The following CFAP77 variants were observed in gnomAD, a reference collection of about 807,000 sequenced individuals.
The protein encoded by CFAP77 is cilia- and flagella-associated protein 77.
Under a neutral mutation model 31.1 loss-of-function variants are expected in CFAP77, and 25 were observed. The observed-to-expected ratio is 0.80, with a 90% confidence interval of 0.59 to 1.12. CFAP77 has a LOEUF of 1.12. CFAP77 is among the 50% of genes most tolerant of loss of function. The pLI, the probability that CFAP77 is intolerant of heterozygous loss-of-function variation, is 0.00. For missense variants in CFAP77, 377 were observed against 397.3 expected, an observed-to-expected ratio of 0.95 and a Z score of 0.44; for synonymous variants, 151 against 159.9, an observed-to-expected ratio of 0.94 and a Z score of 0.42.
intron 1 of CFAP77, among the ~76,000 whole-genome samples, chr9:132,484,387 T>G (rs1342566836): frequency 6.6e-6 from 1 of 152,214 alleles, no homozygotes; most frequent in African/African-American, 2.4e-5. Flanking sequence ...AAGGAAGCTC[T>G]GTACCCATGA....
At chr9:132,505,304 C>A (rs1380632839) in intron 3 of CFAP77, among the ~76,000 whole-genome samples, 6 of 152,202 alleles carry the variant, frequency 3.9e-5, no homozygotes, top group Admixed American at 6.5e-5. Flanking sequence ...AGCCTCAATA[C>A]CAGATGGGAT....
intron 4 of CFAP77, among the ~76,000 whole-genome samples, chr9:132,541,247 C>T (rs566304986): frequency 1.3e-5 from 2 of 152,320 alleles, no homozygotes; most frequent in African/African-American, 4.8e-5. Context: ...CAGCCGCCCT[C>T]CTCAGAGCTC....
In CFAP77 at chr9:132,424,406, C is replaced by CA. The variant is rs548435644; in HGVS notation, c.195+13950dup. On this transcript the variant is annotated intron_variant, in intron 1 of 5. Transcript: ENST00000393216. This position sits in a 1 kb window ranked among gnomAD's most constrained non-coding sequence, Gnocchi z 4.1. ...GACAGAGCAAGACTCCATCTCAAAA[C>CA]AAAAAAAAAAGAGTTAGGAAGAGGG... Among the ~76,000 whole-genome samples, 2,045 of 145,832 alleles carry CA rather than the reference C, an allele frequency of 0.014. 21 individuals carry two copies. The highest frequency in any genetic ancestry group is 0.022 in the Non-Finnish European group (1,432 of 65,878).
chr9:132,537,275 G>A (rs1475567534), intron 3 of CFAP77, among the ~76,000 whole-genome samples: 3 of 152,112 alleles, frequency 2.0e-5, no homozygotes, highest in Non-Finnish European at 2.9e-5. Flanking sequence ...GGGAATCAAC[G>A]TAGCGGGACT....
At chr9:132,546,415 AG>A (rs1381208919) in intron 5 of CFAP77, among the ~76,000 whole-genome samples, 1 of 148,164 alleles carries the variant, frequency 6.7e-6, no homozygotes, top group Non-Finnish European at 1.5e-5. Flanking sequence ...AAGCGCTTCC[AG>A]AAAAGTTGAG....
chr9:132,454,332 C>T (rs992737591), intron 1 of CFAP77, among the ~76,000 whole-genome samples: 1 of 152,112 alleles, frequency 6.6e-6, no homozygotes, highest in Admixed American at 6.5e-5. Context: ...AGCTTGTCAT[C>T]CCAGGAAACC....
chr9:132,420,887 G>T (rs1850203773), intron 1 of CFAP77, among the ~76,000 whole-genome samples: 1 of 151,998 alleles, frequency 6.6e-6, no homozygotes, highest in African/African-American at 2.4e-5. Flanking sequence ...AAGTGGTACA[G>T]ACGTGGCCAC....
At chr9:132,542,027 A>G (rs1589916663) in intron 4 of CFAP77, among the ~76,000 whole-genome samples, 1 of 152,180 alleles carries the variant, frequency 6.6e-6, no homozygotes, top group East Asian at 1.9e-4. Flanking sequence ...TGGAATCCCA[A>G]TTTAAGAGAA....
chr9:132,571,971 A>G (rs1006991384), intron 5 of CFAP77, among the ~76,000 whole-genome samples: 8 of 151,286 alleles, frequency 5.3e-5, no homozygotes, highest in African/African-American at 1.9e-4. Context: ...GGCTGCCACC[A>G]GAGAGGAGGG....
intron 1 of CFAP77, among the ~76,000 whole-genome samples, chr9:132,492,915 T>C (rs989062781): frequency 6.6e-6 from 1 of 152,266 alleles, no homozygotes. Context: ...TTTCAGGCCT[T>C]GGAGGTATCC....
At position 132,486,038 on chromosome 9, in the gene CFAP77, A is replaced by T. The variant is rs865804044; in HGVS notation, c.196-12657A>T. Among the ~76,000 whole-genome samples the T allele has an allele frequency of 1.2e-3, 42 of 36,232 alleles. 6 individuals carry two copies. The highest frequency in any genetic ancestry group is 8.4e-3 in the African/African-American group (25 of 2,994). 23.8% of individuals were successfully genotyped at this position (36,232 alleles called of 152,430 possible). A position where few individuals can be genotyped will look rare whatever the true frequency, so the allele number is the denominator to read the frequency against. On this transcript the variant is annotated intron_variant, in intron 1 of 5. Coordinates refer to ENST00000393216, the MANE Select transcript of CFAP77 (RefSeq NM_001282957.2). Reference sequence around the variant, plus strand: ...TATATATATATATATATATATATATATATGTATGTATATGTATGTGTGTGT... The same window carrying T: ...TATATATATATATATATATATATATTTATGTATGTATATGTATGTGTGTGT...
At chr9:132,491,317 A>T (rs1851650432) in intron 1 of CFAP77, among the ~76,000 whole-genome samples, 1 of 152,072 alleles carries the variant, frequency 6.6e-6, no homozygotes, top group Non-Finnish European at 1.5e-5. Flanking sequence ...AAAATACAAA[A>T]TTAGCTGGGT....
chr9:132,486,560 T>TA (rs1056871374), intron 1 of CFAP77, among the ~76,000 whole-genome samples: 3 of 152,138 alleles, frequency 2.0e-5, no homozygotes, highest in Admixed American at 6.5e-5. Flanking sequence ...TATTGCTCTT[T>TA]AAAAAAATAT....
intron 1 of CFAP77, among the ~76,000 whole-genome samples, chr9:132,417,962 G>GAGTGAAACC (rs1667012511): frequency 1.3e-5 from 2 of 152,170 alleles, no homozygotes; most frequent in Non-Finnish European, 2.9e-5. Context: ...CCCTAGTTGC[G>GAGTGAAACC]AGTGAAACCA....
chr9:132,542,896 C>A lies in CFAP77; in HGVS notation c.631-50C>A, dbSNP rs369216787. The A allele has an allele frequency of 2.3e-5, 33 of 1,453,966 alleles. No individual in the cohort carries two copies. The East Asian group carries it at 3.6e-4, about 16-fold the overall frequency. The allele number at this position is 1,453,966 out of a possible 1,614,324, so 90.1% of individuals were successfully genotyped here. ...CTCTATATCCCTTCAGCACGGCCTT[C>A]TCCAAGTAGCCGGGCAACCATCTCA... is the stretch of plus-strand genomic sequence containing the variant. On this transcript the variant is annotated intron_variant, in intron 4 of 5. Transcript: ENST00000393216.
Position 132,498,672 on chromosome 9 carries a change from G to A in CFAP77, c.196-23G>A, listed in dbSNP as rs1277790491. 1 of 1,579,038 alleles carries A rather than the reference G, an allele frequency of 6.3e-7. No homozygotes were observed. ...GTCTGAGACTCCACTCCTCACCTCT[G>A]CTCTCTGTCCTTCCCCCGACAGGCT... On this transcript the variant is annotated intron_variant, in intron 1 of 5. Transcript: ENST00000393216. This position sits in a 1 kb window ranked among gnomAD's most constrained non-coding sequence, Gnocchi z 4.2.
intron 1 of CFAP77, among the ~76,000 whole-genome samples, chr9:132,431,835 C>T (rs1481874591): frequency 6.6e-6 from 1 of 152,050 alleles, no homozygotes; most frequent in Non-Finnish European, 1.5e-5. Context: ...CAGTTTTTGC[C>T]ATTACTTTTG....
intron 3 of CFAP77, among the ~76,000 whole-genome samples, chr9:132,523,373 G>A (rs1165820209): frequency 6.6e-6 from 1 of 152,232 alleles, no homozygotes; most frequent in Non-Finnish European, 1.5e-5. Flanking sequence ...ACAGATATGA[G>A]CCACTGCGCC....
At chr9:132,461,837 G>C (rs916065819) in intron 1 of CFAP77, among the ~76,000 whole-genome samples, 2 of 152,182 alleles carry the variant, frequency 1.3e-5, no homozygotes, top group Non-Finnish European at 2.9e-5. Context: ...CCGCCTCACA[G>C]AGTGGCTGCG....
Sources: allele counts gnomAD v4.1 joint callset (sites outside exome capture counted in the v4.1 genomes callset), GRCh38; gene constraint gnomAD v4.1.1; non-coding constraint Gnocchi (gnomAD v3.1); transcripts MANE v1.5; gene names NCBI Gene and HGNC (gene_info 2026-07-23, HGNC 2026-07-21).